UPK3B: variants seen among roughly 807,000 people sequenced by gnomAD.
UPK3B encodes uroplakin 3B.
In UPK3B, 21 loss-of-function variants were observed where a neutral mutation model predicts 27.6. The ratio of observed to expected loss-of-function variants is 0.76; its 90% CI spans 0.54 to 1.10. The LOEUF (loss-of-function observed/expected upper bound fraction) is 1.10, where lower values mean the gene tolerates loss of function less well. Among genes scored for constraint, UPK3B ranks in the 50% least tolerant of loss-of-function variants. UPK3B has a pLI of 0.00. For synonymous variants in UPK3B, 141 were observed against 162.3 expected, an observed-to-expected ratio of 0.87 and a Z score of 1.00; for missense variants, 306 against 376.1, an observed-to-expected ratio of 0.81 and a Z score of 1.54.
chr7:76,513,203 A>C, intron 4 of UPK3B, 40 bp downstream of exon 4: 1 of 1,583,700 alleles, frequency 6.3e-7, no homozygotes, highest in Middle Eastern at 1.7e-4. Context: ...CAGTGGACTC[A>C]CGATCTCTCT....
intron 2 of UPK3B, 80 bp from the exon 3 acceptor site, chr7:76,511,577 T>A: frequency 7.2e-7 from 1 of 1,383,386 alleles, no homozygotes; most frequent in Non-Finnish European, 9.8e-7. Context: ...GGCTGGAGAC[T>A]GGGCGAACAC....
chr7:76,512,917 A>G (rs1297605241), intron 3 of UPK3B, among the ~76,000 whole-genome samples, 167 bp from the exon 4 acceptor site: 2 of 152,176 alleles, frequency 1.3e-5, no homozygotes, highest in Non-Finnish European at 1.5e-5. Context: ...GAGACATCTC[A>G]GGGGATTCTC....
intron 5 of UPK3B, among the ~76,000 whole-genome samples, chr7:76,514,381 G>A (rs1391685342): frequency 6.6e-6 from 1 of 152,106 alleles, no homozygotes; most frequent in Non-Finnish European, 1.5e-5. Flanking sequence ...TCGCACCTCA[G>A]GGGTCATTGA....
At position 76,510,617 on chromosome 7, in the gene UPK3B, A is replaced by C. The variant is rs950700175; in HGVS notation, c.-36A>C. On this transcript the variant is annotated 5_prime_UTR_variant, in exon 1 of 6. Transcript: ENST00000334348. ...GTGAGGTGCAGCCCGAAGCAGCCAGACCAGCCCCTGAGCCTCCCGGGTGCT... is the reference window on the plus strand; with the variant it reads ...GTGAGGTGCAGCCCGAAGCAGCCAGCCCAGCCCCTGAGCCTCCCGGGTGCT... The C allele has an allele frequency of 2.0e-5, 29 of 1,441,206 alleles. No homozygotes were observed. Among genetic ancestry groups the C allele is most frequent in the Non-Finnish European group, 2.5e-5 (27 of 1,091,116 alleles). 89.3% of individuals were successfully genotyped at this position (1,441,206 alleles called of 1,614,324 possible). A position where few individuals can be genotyped will look rare whatever the true frequency, so the allele number is the denominator to read the frequency against.
intron 4 of UPK3B, 85 bp downstream of exon 4, chr7:76,513,248 C>T: frequency 7.6e-7 from 1 of 1,319,440 alleles, no homozygotes; most frequent in Non-Finnish European, 1.1e-6. Context: ...CACCCCTGCT[C>T]CCACAGGGCT....
At position 76,513,967 on chromosome 7, in the gene UPK3B, G is replaced by A. The variant is rs758702310; in HGVS notation, c.562G>A (p.Asp188Asn). The A allele has an allele frequency of 2.5e-6, 4 of 1,613,762 alleles. No homozygotes were observed. Among genetic ancestry groups the A allele is most frequent in the Non-Finnish European group, 3.4e-6 (4 of 1,179,904 alleles). The change falls in exon 5 of 6, where the codon GAC (aspartate) becomes AAC (asparagine). Residue 188 changes from aspartate (D) to asparagine (N), a missense_variant. By Grantham distance (23) the Asp-to-Asn change is conservative. This residue lies in a region of UPK3B where 174 missense variants were observed against 166.6 expected (regional missense o/e 1.04). Transcript: ENST00000334348. Reference sequence around the variant, plus strand: ...TGCAGGGAAGACCCCCGGATCCATCGACACCTGGCCAGGGCGGCGAAGTGG... The same window carrying A: ...TGCAGGGAAGACCCCCGGATCCATCAACACCTGGCCAGGGCGGCGAAGTGG... ...LHQGKTPGSI[D>N]TWPGRRSGSM...
chr7:76,510,826 C>T (rs1347247676), intron 1 of UPK3B, 77 bp from the exon 2 acceptor site: 5 of 1,602,788 alleles, frequency 3.1e-6, no homozygotes, highest in Non-Finnish European at 1.7e-6. Flanking sequence ...CGCCCGCCCC[C>T]CTCCGATTGG....
At chr7:76,513,674 G>A (rs556309401) in intron 4 of UPK3B, among the ~76,000 whole-genome samples, 104 of 152,200 alleles carry the variant, frequency 6.8e-4, no homozygotes, top group Middle Eastern at 6.8e-3. Flanking sequence ...TTGACTGCTG[G>A]GCTCCAGGGA....
Position 76,513,170 on chromosome 7 carries a change from C to G in UPK3B, c.541+7C>G, listed in dbSNP as rs1307887548. On this transcript the variant is annotated splice_region_variant and intron_variant, in intron 4 of 5. Coordinates refer to ENST00000334348, the MANE Select transcript of UPK3B (RefSeq NM_001347684.2). ...CCCATCACTCTCCACCAAGGTAGCG[C>G]TGGGCAGGAGGGGCGCTGCCCCCAG... 6.2e-7 allele frequency: 1 copy of G among 1,613,186 alleles called. No homozygotes were observed. The highest frequency in any genetic ancestry group is 8.5e-7 in the Non-Finnish European group (1 of 1,179,610).
At chr7:76,512,274 A>G (rs1320504025) in intron 3 of UPK3B, among the ~76,000 whole-genome samples, 1 of 148,740 alleles carries the variant, frequency 6.7e-6, no homozygotes, top group Non-Finnish European at 1.5e-5. Flanking sequence ...AGATGAGGAA[A>G]CTGAGGCACA....
At chr7:76,513,305 C>G in intron 4 of UPK3B, 142 bp downstream of exon 4, 3 of 785,168 alleles carry the variant, frequency 3.8e-6, no homozygotes, top group Non-Finnish European at 6.1e-6. Flanking sequence ...CCCAACAGAA[C>G]CTCATGCTGG....
intron 3 of UPK3B, among the ~76,000 whole-genome samples, chr7:76,512,636 CAA>C (rs1422074007): frequency 7.4e-6 from 1 of 135,238 alleles, no homozygotes; most frequent in South Asian, 2.5e-4. Flanking sequence ...CCCAGCCCTG[CAA>C]AGAGACAAAC....
rs372988365 is a variant in UPK3B at position 76,515,302 on chromosome 7, C to A, written c.*98C>A. 8.2e-5 allele frequency: 125 copies of A among 1,527,546 alleles called. 1 individual carries two copies. In the African/African-American group the frequency reaches 1.3e-3, roughly 16 times the overall value. 94.6% of individuals were successfully genotyped at this position (1,527,546 alleles called of 1,614,324 possible). On this transcript the variant is annotated 3_prime_UTR_variant, in exon 6 of 6. Transcript: ENST00000334348. ...TGCACCCACAGGCCCCCTCAGGGCT[C>A]CTTGCCTTTCCCCCCCACCAGCACA...
intron 5 of UPK3B, among the ~76,000 whole-genome samples, chr7:76,514,677 G>A (rs918440763): frequency 1.3e-5 from 2 of 152,120 alleles, no homozygotes; most frequent in African/African-American, 4.8e-5. Context: ...AGGCCGAGGT[G>A]GGAGGATCAC....
At chr7:76,514,339 G>A (rs1266450193) in intron 5 of UPK3B, among the ~76,000 whole-genome samples, 3 of 152,044 alleles carry the variant, frequency 2.0e-5, no homozygotes, top group African/African-American at 7.2e-5. Context: ...CCCCTCCCAG[G>A]GCCTGTGCAG....
rs1301435534 is a variant in UPK3B, at chr7:76,510,612, GCCAGACCAGCC to G, written c.-38_-28del. 7.0e-7 allele frequency: 1 copy of G among 1,432,566 alleles called. No homozygotes were observed. Among genetic ancestry groups the G allele is most frequent in the African/African-American group, 1.4e-5 (1 of 70,410 alleles). 88.7% of individuals were successfully genotyped at this position (1,432,566 alleles called of 1,614,324 possible). ...TGGGGGTGAGGTGCAGCCCGAAGCA[GCCAGACCAGCC>G]CCTGAGCCTCCCGGGTGCTGGCAGC... On this transcript the variant is annotated 5_prime_UTR_variant, in exon 1 of 6. Coordinates refer to ENST00000334348, the MANE Select transcript of UPK3B (RefSeq NM_001347684.2).
At chr7:76,511,509 C>T (rs1270411278) in intron 2 of UPK3B, 148 bp from the exon 3 acceptor site, 4 of 784,986 alleles carry the variant, frequency 5.1e-6, no homozygotes, top group South Asian at 1.8e-5. Flanking sequence ...GTAACAAAGT[C>T]GACTGGGTCT....
chr7:76,514,913 AAAAAAAAAAAAG>A (rs1563769712), intron 5 of UPK3B, 120 bp from the exon 6 acceptor site: 4 of 779,318 alleles, frequency 5.1e-6, no homozygotes, highest in Admixed American at 4.6e-5. Flanking sequence ...CTCAAAAAAA[AAAAAAAAAAAAG>A]AAAAGAGAGA....
chr7:76,516,003 T>C lies in UPK3B; in HGVS notation c.*799T>C. 3.3e-6 allele frequency: 2 copies of C among 609,186 alleles called. 1 individual carries two copies. The highest frequency in any genetic ancestry group is 3.8e-6 in the Non-Finnish European group (2 of 529,026). The allele number at this position is 609,186 out of a possible 1,614,324, so 37.7% of individuals were successfully genotyped here. On this transcript the variant is annotated 3_prime_UTR_variant, in exon 6 of 6. Transcript: ENST00000334348. ...CCCTTAGACCGTCACCCCAGTAGGC[T>C]CTCCAGGACCCAGGAGCCTCCATCA...
Sources: allele counts gnomAD v4.1 joint callset (sites outside exome capture counted in the v4.1 genomes callset), GRCh38; gene constraint gnomAD v4.1.1; regional missense constraint gnomAD v4.1.1; transcripts MANE v1.5; gene names NCBI Gene and HGNC (gene_info 2026-07-23, HGNC 2026-07-21).